Variants in OLA1 observed in about 807,000 individuals in gnomAD.
The protein encoded by OLA1 is Obg like ATPase 1.
Under a neutral mutation model 48.4 loss-of-function variants are expected in OLA1, and 14 were observed. The ratio of observed to expected loss-of-function variants is 0.29; its 90% CI spans 0.19 to 0.45. The LOEUF is 0.45. Among genes scored for constraint, OLA1 ranks in the 20% least tolerant of loss-of-function variants. The probability of loss-of-function intolerance (pLI) is 1.00; values close to 1 mark genes in which losing one functional copy is unlikely to be tolerated. For synonymous variants in OLA1, 127 were observed against 150.4 expected (o/e 0.84, Z 1.14); for missense variants, 325 against 467.1 (o/e 0.70, Z 2.80).
chr2:174,159,039 C>T (rs1246929742), intron 4 of OLA1, among the ~76,000 whole-genome samples: 3 of 152,152 alleles, frequency 2.0e-5, no homozygotes, highest in Non-Finnish European at 4.4e-5. Context: ...TATCATCAAC[C>T]AATTCATTCT....
chr2:174,178,784 CA>C (rs1687472084), intron 4 of OLA1, among the ~76,000 whole-genome samples: 3 of 151,980 alleles, frequency 2.0e-5, no homozygotes, highest in Admixed American at 2.0e-4. Context: ...AAAACTTGTA[CA>C]AACTTGATAA....
At chr2:174,093,084 T>C (rs545464056) in intron 7 of OLA1, among the ~76,000 whole-genome samples, 78 of 152,332 alleles carry the variant, frequency 5.1e-4, no homozygotes, top group African/African-American at 1.6e-3. Flanking sequence ...GCAGGTTACA[T>C]TTTTGAAACT....
At chr2:174,197,699 G>C (rs1039667780) in intron 4 of OLA1, among the ~76,000 whole-genome samples, 31 of 152,164 alleles carry the variant, frequency 2.0e-4, no homozygotes, top group African/African-American at 7.0e-4. Context: ...GGTGAAGAGG[G>C]ATGGAATTAA....
At chr2:174,114,295 T>C (rs1685726379) in intron 7 of OLA1, among the ~76,000 whole-genome samples, 1 of 119,638 alleles carries the variant, frequency 8.4e-6, no homozygotes, top group African/African-American at 3.3e-5. Context: ...TGGGCAGAGA[T>C]CGCGCCACTG....
intron 4 of OLA1, among the ~76,000 whole-genome samples, chr2:174,216,879 C>A (rs1239716271): frequency 6.6e-6 from 1 of 152,100 alleles, no homozygotes; most frequent in Non-Finnish European, 1.5e-5. Flanking sequence ...TTTTCTCTAG[C>A]TTACTTTATT....
At chr2:174,173,267 T>C (rs1359849896) in intron 4 of OLA1, among the ~76,000 whole-genome samples, 1 of 152,132 alleles carries the variant, frequency 6.6e-6, no homozygotes, top group African/African-American at 2.4e-5. Context: ...TAAGAAGAAA[T>C]GATTATAAAA....
intron 4 of OLA1, among the ~76,000 whole-genome samples, chr2:174,157,788 G>T (rs924034259): frequency 6.6e-6 from 1 of 152,060 alleles, no homozygotes; most frequent in African/African-American, 2.4e-5. Flanking sequence ...GGAAGATGAT[G>T]GTCTGATTAA....
intron 3 of OLA1, among the ~76,000 whole-genome samples, chr2:174,223,412 A>C (rs1194060260): frequency 6.6e-6 from 1 of 152,182 alleles, no homozygotes; most frequent in East Asian, 1.9e-4. Flanking sequence ...GTGTTTCTGA[A>C]ATTAAAACTC....
intron 4 of OLA1, among the ~76,000 whole-genome samples, chr2:174,162,309 T>A (rs968822198): frequency 6.6e-6 from 1 of 152,168 alleles, no homozygotes; most frequent in African/African-American, 2.4e-5. Flanking sequence ...CAAGAGGCAG[T>A]AACATAATCA....
chr2:174,091,092 T>A (rs1412153284), intron 7 of OLA1, among the ~76,000 whole-genome samples: 1 of 152,232 alleles, frequency 6.6e-6, no homozygotes, highest in Non-Finnish European at 1.5e-5. Context: ...GCCTGGCACA[T>A]AGTGGGTGCT....
At chr2:174,081,869 T>C (rs1366296142) in intron 8 of OLA1, 55 bp downstream of exon 8, 2 of 1,552,210 alleles carry the variant, frequency 1.3e-6, no homozygotes, top group Non-Finnish European at 1.8e-6. Flanking sequence ...AGCAATTAAA[T>C]TACTGCAAGG....
At chr2:174,142,306 T>C (rs563086166) in intron 4 of OLA1, among the ~76,000 whole-genome samples, 8 of 152,316 alleles carry the variant, frequency 5.3e-5, no homozygotes, top group Admixed American at 1.3e-4. Context: ...TAAAAGATAC[T>C]GAATTCCAGG....
rs368577254 is a variant in OLA1, at chr2:174,241,223, G to C, written c.101+5492C>G. On this transcript the variant is annotated intron_variant, in intron 2 of 10. Coordinates refer to ENST00000284719, the MANE Select transcript of OLA1 (RefSeq NM_013341.5). Reference sequence around the variant, plus strand: ...ATCTTGGATCTTTCAGTCTCAACTAGCCACCAGCTGAATGCAGTCACATGA... The same window carrying C: ...ATCTTGGATCTTTCAGTCTCAACTACCCACCAGCTGAATGCAGTCACATGA... Among the ~76,000 whole-genome samples the C allele has an allele frequency of 6.6e-5, 10 of 152,266 alleles. 1 individual carries two copies. The East Asian group carries it at 1.5e-3, about 24-fold the overall frequency.
intron 4 of OLA1, among the ~76,000 whole-genome samples, chr2:174,193,050 G>A (rs1013170158): frequency 6.6e-6 from 1 of 150,618 alleles, no homozygotes; most frequent in Non-Finnish European, 1.5e-5. Flanking sequence ...ATTAATTTTG[G>A]AAAATTCTTG....
At chr2:174,234,324 T>C (rs188578530) in intron 2 of OLA1, among the ~76,000 whole-genome samples, 14 of 152,322 alleles carry the variant, frequency 9.2e-5, no homozygotes, top group Admixed American at 4.6e-4. Context: ...TTTATGTTAT[T>C]GGTAAGGCTT....
chr2:174,236,518 T>C (rs556993526), intron 2 of OLA1, among the ~76,000 whole-genome samples: 35 of 152,062 alleles, frequency 2.3e-4, no homozygotes, highest in Non-Finnish European at 4.9e-4. Flanking sequence ...GAGAAAGAAA[T>C]AACCAGAGCT....
chr2:174,156,583 T>G (rs1359425644), intron 4 of OLA1, among the ~76,000 whole-genome samples: 1 of 142,278 alleles, frequency 7.0e-6, no homozygotes, highest in African/African-American at 2.7e-5. Context: ...ACACTCTTTT[T>G]TTTTTTTTTT....
chr2:174,153,816 C>T (rs1686804969), intron 4 of OLA1, among the ~76,000 whole-genome samples: 1 of 152,120 alleles, frequency 6.6e-6, no homozygotes, highest in East Asian at 1.9e-4. Flanking sequence ...CTTCTTATTC[C>T]TTATTATATA....
chr2:174,180,135 A>G (rs1373198945), intron 4 of OLA1, among the ~76,000 whole-genome samples: 3 of 152,304 alleles, frequency 2.0e-5, no homozygotes, highest in African/African-American at 7.2e-5. Context: ...TTACTAGCTA[A>G]TTAACATTAG....
Sources: gnomAD v4.1 joint callset for allele counts (sites outside exome capture counted in the v4.1 genomes callset) on GRCh38, gnomAD v4.1.1 for gene constraint, MANE v1.5 for transcripts, NCBI Gene and HGNC (gene_info 2026-07-23, HGNC 2026-07-21) for gene names.